The following KANK1 variants were observed in gnomAD, a reference collection of about 807,000 sequenced individuals.
KANK1 encodes KN motif and ankyrin repeat domains 1.
A neutral mutation model predicts 106.2 loss-of-function variants in KANK1; 109 were observed. That is an observed-to-expected ratio of 1.03 (90% confidence interval 0.88 to 1.20). The LOEUF (loss-of-function observed/expected upper bound fraction) is 1.20, where lower values mean the gene tolerates loss of function less well. KANK1 is among the 50% of genes most tolerant of loss of function. The pLI, the probability that KANK1 is intolerant of heterozygous loss-of-function variation, is 0.00. For missense variants in KANK1, 2,399 were observed against 1,710.7 expected, an observed-to-expected ratio of 1.40 and a Z score of -7.10; for synonymous variants, 873 against 652.2, an observed-to-expected ratio of 1.34 and a Z score of -5.16.
chr9:509,622 A>C (rs1342903802), intron 1 of KANK1, among the ~76,000 whole-genome samples: 1 of 152,096 alleles, frequency 6.6e-6, no homozygotes, highest in Non-Finnish European at 1.5e-5. Context: ...AATGTGTGTT[A>C]ATTTCTGGTG....
At position 504,769 on chromosome 9, in the gene KANK1, G is replaced by GCCCC. The variant is rs1331306331; in HGVS notation, c.-84+15_-84+16insCCCC. 1.6e-4 allele frequency: 5 copies of GCCCC among 31,430 alleles called. No individual in the cohort carries two copies. In the East Asian group the frequency reaches 6.6e-3, roughly 41 times the overall value. The allele number at this position is 31,430 out of a possible 1,614,324, so 1.9% of individuals were successfully genotyped here. A position where few individuals can be genotyped will look rare whatever the true frequency, so the allele number is the denominator to read the frequency against. On this transcript the variant is annotated intron_variant, in intron 1 of 11. Transcript: ENST00000382297. ...AGCGGCCGAAGGTGAGTGACGCGGC[G>GCCCC]GGGCCGTGCCGCGCCCCGTGCCGCG...
intron 1 of KANK1, among the ~76,000 whole-genome samples, chr9:629,492 T>G (rs1563890676): frequency 6.6e-6 from 1 of 152,198 alleles, no homozygotes; most frequent in Non-Finnish European, 1.5e-5. Context: ...CTCAGATACA[T>G]TATTAGGAAA....
chr9:680,436 C>T (rs1817312844), intron 2 of KANK1, among the ~76,000 whole-genome samples: 1 of 152,164 alleles, frequency 6.6e-6, no homozygotes, highest in South Asian at 2.1e-4. Context: ...ACGAGCTATT[C>T]ATTAATGCTG....
At chr9:688,434 C>T (rs539633392) in intron 2 of KANK1, among the ~76,000 whole-genome samples, 20 of 152,222 alleles carry the variant, frequency 1.3e-4, no homozygotes, top group Non-Finnish European at 2.6e-4. Context: ...GGTGAAACCC[C>T]GTCTCTACTA....
intron 1 of KANK1, chr9:540,649 G>A (rs748602019): frequency 1.3e-5 from 2 of 152,154 alleles, no homozygotes; most frequent in South Asian, 2.1e-4. Context: ...TGACATCCTG[G>A]GATATTCTTT....
chr9:528,098 A>G (rs1414997607), intron 1 of KANK1, among the ~76,000 whole-genome samples: 1 of 149,998 alleles, frequency 6.7e-6, no homozygotes, highest in East Asian at 2.0e-4. Context: ...GTGCCACTGC[A>G]CTCCATCGAG....
At chr9:599,020 ATTT>A (rs71314718) in intron 1 of KANK1, among the ~76,000 whole-genome samples, 1 of 130,186 alleles carries the variant, frequency 7.7e-6, no homozygotes, top group Non-Finnish European at 1.6e-5. Flanking sequence ...TATTATTATT[ATTT>A]TTTTTTTTTT....
At chr9:503,439 G>A (rs1261375694), upstream of KANK1, among the ~76,000 whole-genome samples, 2 of 152,184 alleles carry the variant, frequency 1.3e-5, no homozygotes, top group African/African-American at 4.8e-5. Context: ...TCCCTAAACA[G>A]TCAGGAGCCA....
intron 1 of KANK1, among the ~76,000 whole-genome samples, chr9:509,001 A>G (rs896604789): frequency 3.3e-5 from 5 of 152,200 alleles, no homozygotes; most frequent in Admixed American, 1.3e-4. Context: ...TGTAGAGTTT[A>G]TACTTCTACC....
intron 2 of KANK1, among the ~76,000 whole-genome samples, chr9:683,506 C>G (rs1817969115): frequency 1.3e-5 from 2 of 152,186 alleles, no homozygotes; most frequent in Admixed American, 1.3e-4. Context: ...CAGCTAATGA[C>G]TAAGCCAGAA....
Position 713,233 on chromosome 9 carries a change from C to T in KANK1, c.2467C>T (p.Leu823=), listed in dbSNP as rs572858617. The change falls in exon 3 of 12, where the codon CTG becomes TTG. Residue 823 remains leucine, a synonymous_variant. Coordinates refer to ENST00000382297, the MANE Select transcript of KANK1 (RefSeq NM_015158.5). ...PQAPLGMMTG[L]DHYIERIQKL... ...AGCTCCACTTGGAATGATGACTGGC[C>T]TGGATCACTACATTGAGCGTATCCA... 1.2e-6 allele frequency: 2 copies of T among 1,604,268 alleles called. No homozygotes were observed. Among genetic ancestry groups the T allele is most frequent in the Admixed American group, 1.7e-5 (1 of 59,196 alleles).
rs115714656 is a variant in KANK1, at chr9:619,992, C to T, written c.-83-56898C>T. Among the ~76,000 whole-genome samples the T allele has an allele frequency of 1.7e-3, 255 of 152,132 alleles. 3 individuals carry two copies. Among genetic ancestry groups the T allele is most frequent in the African/African-American group, 5.8e-3 (241 of 41,490 alleles). On this transcript the variant is annotated intron_variant, in intron 1 of 11. Coordinates refer to ENST00000382297, the MANE Select transcript of KANK1 (RefSeq NM_015158.5). ...TGTCTACTAAAAATAAGAAAATTAG[C>T]CTAGTGTGGTGGTGTGCGCCTGTAA...
intron 1 of KANK1, among the ~76,000 whole-genome samples, chr9:586,108 C>A (rs546240002): frequency 6.6e-6 from 1 of 152,286 alleles, no homozygotes; most frequent in South Asian, 2.1e-4. Flanking sequence ...TATTTTACAG[C>A]AAGCTTTGGA....
At chr9:593,883 A>T (rs1281992331) in intron 1 of KANK1, among the ~76,000 whole-genome samples, 3 of 151,878 alleles carry the variant, frequency 2.0e-5, no homozygotes, top group Non-Finnish European at 4.4e-5. Flanking sequence ...CAGTTTATAA[A>T]ATTTTTTGTA....
At chr9:536,314 C>A (rs1158431429) in intron 1 of KANK1, among the ~76,000 whole-genome samples, 1 of 152,160 alleles carries the variant, frequency 6.6e-6, no homozygotes, top group East Asian at 1.9e-4. Context: ...TGCACTCCAA[C>A]TTGGGCAACA....
intron 1 of KANK1, among the ~76,000 whole-genome samples, chr9:657,603 G>T (rs1004050339): frequency 2.7e-5 from 4 of 148,722 alleles, no homozygotes; most frequent in Admixed American, 1.3e-4. Flanking sequence ...ATGAGTATGA[G>T]GTGATACTGT....
chr9:652,793 G>C (rs1372767134), intron 1 of KANK1, among the ~76,000 whole-genome samples: 1 of 152,208 alleles, frequency 6.6e-6, no homozygotes, highest in Non-Finnish European at 1.5e-5. Flanking sequence ...AATTACGGCT[G>C]ATTTTTTACT....
chr9:604,358 G>T (rs533962741), intron 1 of KANK1, among the ~76,000 whole-genome samples: 6 of 151,672 alleles, frequency 4.0e-5, no homozygotes, highest in African/African-American at 1.2e-4. Flanking sequence ...CTGATGGGAG[G>T]TGATTGGATC....
rs1041514669 is a variant in KANK1 at position 617,928 on chromosome 9, A to G, written c.-83-58962A>G. On this transcript the variant is annotated intron_variant, in intron 1 of 11. Transcript: ENST00000382297. Reference sequence around the variant, plus strand: ...GGGTGCGGGCAGAATGGAGGATGACATGAATCCTGACTCAGTAACATTTAT... The same window carrying G: ...GGGTGCGGGCAGAATGGAGGATGACGTGAATCCTGACTCAGTAACATTTAT... Among the ~76,000 whole-genome samples the G allele has an allele frequency of 3.3e-5, 5 of 152,170 alleles. No individual in the cohort carries two copies. The East Asian group carries it at 5.8e-4, about 18-fold the overall frequency.
Sources: gnomAD v4.1 joint callset for allele counts (sites outside exome capture counted in the v4.1 genomes callset) on GRCh38, gnomAD v4.1.1 for gene constraint, MANE v1.5 for transcripts, NCBI Gene and HGNC (gene_info 2026-07-23, HGNC 2026-07-21) for gene names.